The following C17orf75 variants were observed in gnomAD, a reference collection of about 807,000 sequenced individuals.
C17orf75 encodes the protein chromosome 17 open reading frame 75.
A neutral mutation model predicts 49.6 loss-of-function variants in C17orf75; 32 were observed. That is an observed-to-expected ratio of 0.65 (90% CI 0.49 to 0.87). The LOEUF (loss-of-function observed/expected upper bound fraction) is 0.87, where lower values mean the gene tolerates loss of function less well. Ranked by LOEUF, C17orf75 falls within the 40% of genes least tolerant of loss-of-function variation. The pLI is 0.00. For synonymous variants in C17orf75, 158 were observed against 159.5 expected, an observed-to-expected ratio of 0.99 and a Z score of 0.07; for missense variants, 428 against 473.9, an observed-to-expected ratio of 0.90 and a Z score of 0.90.
upstream of C17orf75, chr17:32,342,249 C>T: frequency 7.3e-7 from 1 of 1,368,270 alleles, no homozygotes; most frequent in South Asian, 1.6e-5. Context: ...ACCTGCGTTC[C>T]GCTGGTTTCC....
rs2041273185 is a variant in C17orf75, at chr17:32,331,570, A to G, written c.*193T>C. 1 of 535,460 alleles carries G rather than the reference A, an allele frequency of 1.9e-6. No homozygotes were observed. The highest frequency in any genetic ancestry group is 2.8e-5 in the South Asian group (1 of 35,116). 33.2% of individuals were successfully genotyped at this position (535,460 alleles called of 1,614,324 possible). A position where few individuals can be genotyped will look rare whatever the true frequency, so the allele number is the denominator to read the frequency against. On this transcript the variant is annotated 3_prime_UTR_variant, in exon 10 of 10. Coordinates refer to ENST00000577809, the MANE Select transcript of C17orf75 (RefSeq NM_022344.4). ...CTAAAATTTCACAACTCTCACATACATTATCTATCTAGGACTCAGTGAAGA... is the reference window on the plus strand; with the variant it reads ...CTAAAATTTCACAACTCTCACATACGTTATCTATCTAGGACTCAGTGAAGA...
intron 1 of C17orf75, among the ~76,000 whole-genome samples, chr17:32,348,083 T>C (rs560086178): frequency 6.6e-6 from 1 of 151,908 alleles, no homozygotes; most frequent in South Asian, 2.1e-4. Context: ...AGCAGAGTGA[T>C]CTCGGCTCAC....
intron 8 of C17orf75, among the ~76,000 whole-genome samples, chr17:32,333,929 G>A (rs1378424648): frequency 2.0e-5 from 3 of 152,154 alleles, no homozygotes; most frequent in Admixed American, 6.6e-5. Context: ...CCATCAGAGA[G>A]GATAATCATT....
At chr17:32,338,461 G>A (rs925413548) in intron 3 of C17orf75, 110 bp from the exon 4 acceptor site, 55 of 1,059,400 alleles carry the variant, frequency 5.2e-5, no homozygotes, top group Non-Finnish European at 7.3e-5. Context: ...CCATTAAACT[G>A]CCCACTAACT....
In C17orf75 at chr17:32,337,884, T is replaced by A; in HGVS notation, c.549+13A>T. ...ATTTCAGTCTTTAAAAACCATTAAGTCAGTCACCTTACCTCACAATTCATG... is the reference window on the plus strand; with the variant it reads ...ATTTCAGTCTTTAAAAACCATTAAGACAGTCACCTTACCTCACAATTCATG... On this transcript the variant is annotated intron_variant, in intron 5 of 9. Transcript: ENST00000577809. 6.3e-7 allele frequency: 1 copy of A among 1,599,294 alleles called. No homozygotes were observed. Among genetic ancestry groups the A allele is most frequent in the Non-Finnish European group, 8.5e-7 (1 of 1,171,676 alleles).
At chr17:32,346,585 T>G (rs2041427060), upstream of C17orf75, among the ~76,000 whole-genome samples, 1 of 152,148 alleles carries the variant, frequency 6.6e-6, no homozygotes, top group South Asian at 2.1e-4. Flanking sequence ...TTTTTTTGTT[T>G]TTTTTTGAGA....
At position 32,341,523 on chromosome 17, in the gene C17orf75, C is replaced by T. The variant is rs553474004; in HGVS notation, c.141-239G>A. Among the ~76,000 whole-genome samples, 877 of 152,232 alleles carry T rather than the reference C, an allele frequency of 5.8e-3. 8 individuals are homozygous for T. The highest frequency in any genetic ancestry group is 0.02 in the African/African-American group (849 of 41,526). On this transcript the variant is annotated intron_variant, in intron 1 of 9. Transcript: ENST00000577809. ...ATACCCAGAAGGTTCAAGGAAACTC[C>T]TTTAAAAACCAAACTTGACAAGGCC...
chr17:32,345,563 G>A (rs2041419261), upstream of C17orf75, among the ~76,000 whole-genome samples: 1 of 150,936 alleles, frequency 6.6e-6, no homozygotes, highest in African/African-American at 2.4e-5. Context: ...CGGGCGCGGT[G>A]GCTCACACCT....
chr17:32,341,927 C>A (rs2041384233), intron 1 of C17orf75, 73 bp downstream of exon 1: 12 of 1,191,368 alleles, frequency 1.0e-5, no homozygotes, highest in Non-Finnish European at 1.2e-5. Context: ...GGGTGGGGTG[C>A]AAGGCCGGGC....
At chr17:32,333,565 AG>A (rs760614168) in intron 8 of C17orf75, 45 bp from the exon 9 acceptor site, 1 of 1,494,646 alleles carries the variant, frequency 6.7e-7, no homozygotes, top group Non-Finnish European at 9.2e-7. Flanking sequence ...AATTTTACAA[AG>A]CTTTATTTAT....
rs1047644782 is a variant in C17orf75 at position 32,330,616 on chromosome 17, T to TAAC, written c.*1144_*1146dup. ...TCAGAGTAAAACAATCTGAGGCTTG[T>TAAC]AACAAATGTACAAAAAACTAAAATC... On this transcript the variant is annotated 3_prime_UTR_variant, in exon 10 of 10. Transcript: ENST00000577809. 1 of 152,214 alleles carries TAAC rather than the reference T, an allele frequency of 6.6e-6. No individual in the cohort carries two copies. Among genetic ancestry groups the TAAC allele is most frequent in the African/African-American group, 2.4e-5 (1 of 41,454 alleles). 9.4% of individuals were successfully genotyped at this position (152,214 alleles called of 1,614,324 possible).
chr17:32,332,080 T>C, intron 9 of C17orf75, 102 bp from the exon 10 acceptor site: 1 of 956,852 alleles, frequency 1.0e-6, no homozygotes, highest in South Asian at 1.7e-5. Flanking sequence ...CTTCCTGAAT[T>C]GTTTGCTTTT....
At chr17:32,343,997 G>A (rs1337115757), upstream of C17orf75, 26 of 681,508 alleles carry the variant, frequency 3.8e-5, 1 homozygote, top group South Asian at 5.9e-5. Context: ...GTGAAATATC[G>A]TGGGTTTAAT....
At chr17:32,334,950 G>A (rs2041311728) in intron 6 of C17orf75, 111 bp from the exon 7 acceptor site, 2 of 833,306 alleles carry the variant, frequency 2.4e-6, no homozygotes, top group East Asian at 5.3e-5. Context: ...AACAATTGAT[G>A]GGCACTGGTC....
In C17orf75 at chr17:32,335,368, C is replaced by T. The variant is rs756883376; in HGVS notation, c.624G>A (p.Arg208=). ...GCTTTTCCTGAAAGAGAAGAACAAC[C>T]CTTTGGATTGGGCATACAACATCCT... ...WFEDVVCPIQ[R]VVLLFQEKLT... The change falls in exon 6 of 10, where the codon AGG becomes AGA. Residue 208 remains arginine (R), a synonymous_variant. Coordinates refer to ENST00000577809, the MANE Select transcript of C17orf75 (RefSeq NM_022344.4). The T allele has an allele frequency of 1.3e-5, 21 of 1,613,736 alleles. No homozygotes were observed. Among genetic ancestry groups the T allele is most frequent in the African/African-American group, 2.7e-5 (2 of 74,904 alleles).
upstream of C17orf75, among the ~76,000 whole-genome samples, chr17:32,345,674 A>G (rs1316399848): frequency 6.6e-6 from 1 of 152,136 alleles, no homozygotes; most frequent in Non-Finnish European, 1.5e-5. Flanking sequence ...TACTAAAAAT[A>G]TAAGAATTAG....
rs559370047 is a variant in C17orf75, at chr17:32,328,898, A to G, written c.*2865T>C. 1 of 85,072 alleles carries G rather than the reference A, an allele frequency of 1.2e-5. No homozygotes were observed. Among genetic ancestry groups the G allele is most frequent in the Admixed American group, 9.6e-5 (1 of 10,454 alleles). The allele number at this position is 85,072 out of a possible 1,614,324, so 5.3% of individuals were successfully genotyped here. A position where few individuals can be genotyped will look rare whatever the true frequency, so the allele number is the denominator to read the frequency against. ...GAGCGAGATTCTGTCTTAAAAAATA[A>G]AACAAAAACAAAAAAAAAAACAACT... is the stretch of plus-strand genomic sequence containing the variant. On this transcript the variant is annotated 3_prime_UTR_variant, in exon 10 of 10. Transcript: ENST00000577809.
At chr17:32,345,846 C>T (rs145887924), upstream of C17orf75, among the ~76,000 whole-genome samples, 1,061 of 152,014 alleles carry the variant, frequency 7.0e-3, 13 homozygotes, top group Non-Finnish European at 7.2e-3. Context: ...GTGCCTGGTC[C>T]GAATCAACCA....
intron 2 of C17orf75, among the ~76,000 whole-genome samples, chr17:32,340,568 C>A (rs890342608): frequency 5.6e-4 from 85 of 151,736 alleles, no homozygotes; most frequent in African/African-American, 1.9e-3. Context: ...TGGCGTGAAC[C>A]CGGGAGGCAG....
Sources: allele counts gnomAD v4.1 joint callset (sites outside exome capture counted in the v4.1 genomes callset), GRCh38; gene constraint gnomAD v4.1.1; transcripts MANE v1.5; gene names NCBI Gene and HGNC (gene_info 2026-07-23, HGNC 2026-07-21).